The following IGBP1C variants were observed in gnomAD, a reference collection of about 807,000 sequenced individuals.
IGBP1C encodes the protein immunoglobulin-binding protein 1 family member C.
the IGBP1C span, among the ~76,000 whole-genome samples, chr17:58,689,124 G>T: frequency 6.6e-6 from 1 of 151,848 alleles, no homozygotes; most frequent in African/African-American, 2.4e-5. Context: ...TAGAGATGGG[G>T]TTTCACCGTG....
chr17:58,676,669 A>G, the IGBP1C span, among the ~76,000 whole-genome samples: 1 of 152,240 alleles, frequency 6.6e-6, no homozygotes, highest in Non-Finnish European at 1.5e-5. Flanking sequence ...TTTCAATTCT[A>G]TAGTCATTGT....
At chr17:58,677,737 G>A in the IGBP1C span, 1 of 152,218 alleles carries the variant, frequency 6.6e-6, no homozygotes, top group Non-Finnish European at 1.5e-5. Context: ...CCGGTAAAGT[G>A]GAAGGCATGG....
At chr17:58,691,838 T>G in the IGBP1C span, 3 of 152,128 alleles carry the variant, frequency 2.0e-5, no homozygotes, top group Non-Finnish European at 4.4e-5. Context: ...TGAACACCCC[T>G]TCCCAAGTCT....
At chr17:58,681,319 C>T in the IGBP1C span, among the ~76,000 whole-genome samples, 2 of 151,962 alleles carry the variant, frequency 1.3e-5, no homozygotes, top group Non-Finnish European at 2.9e-5. Flanking sequence ...CAACTGAGAA[C>T]ATAGAGGTGT....
At chr17:58,672,834 C>T in the IGBP1C span, among the ~76,000 whole-genome samples, 1 of 151,634 alleles carries the variant, frequency 6.6e-6, no homozygotes, top group Non-Finnish European at 1.5e-5. Context: ...TGGGTTCAAG[C>T]GATTCTCCTG....
chr17:58,672,213 C>T, the IGBP1C span, among the ~76,000 whole-genome samples: 1 of 152,156 alleles, frequency 6.6e-6, no homozygotes, highest in African/African-American at 2.4e-5. Flanking sequence ...GACATCACCT[C>T]CTGCTGTGCG....
chr17:58,669,179 C>G, the IGBP1C span, among the ~76,000 whole-genome samples: 1 of 151,930 alleles, frequency 6.6e-6, no homozygotes, highest in Non-Finnish European at 1.5e-5. Flanking sequence ...TGGTGAAACC[C>G]CATCTCTACT....
chr17:58,669,745 A>AG, the IGBP1C span, among the ~76,000 whole-genome samples: 2 of 151,598 alleles, frequency 1.3e-5, no homozygotes, highest in Non-Finnish European at 2.9e-5. Context: ...AAAAAAAAAA[A>AG]AAAAAAAAAA....
chr17:58,682,905 G>A, the IGBP1C span, among the ~76,000 whole-genome samples: 1 of 152,074 alleles, frequency 6.6e-6, no homozygotes, highest in Non-Finnish European at 1.5e-5. Flanking sequence ...CCTTTGAGAA[G>A]AGCCTCATTT....
At chr17:58,662,281 T>C in the IGBP1C span, among the ~76,000 whole-genome samples, 1 of 151,748 alleles carries the variant, frequency 6.6e-6, no homozygotes, top group African/African-American at 2.4e-5. Flanking sequence ...AAACCCCATC[T>C]CTACTAGAAA....
chr17:58,678,818 TATAATAATA>T, the IGBP1C span, among the ~76,000 whole-genome samples: 29 of 137,314 alleles, frequency 2.1e-4, no homozygotes, highest in African/African-American at 3.5e-4. Context: ...GAACTTAAAG[TATAATAATA>T]ATAATAATAA....
chr17:58,681,117 T>C, the IGBP1C span, among the ~76,000 whole-genome samples: 1 of 151,770 alleles, frequency 6.6e-6, no homozygotes, highest in Non-Finnish European at 1.5e-5. Flanking sequence ...CCCTCTCTAC[T>C]AAAAATAAAT....
the IGBP1C span, among the ~76,000 whole-genome samples, chr17:58,684,800 C>A: frequency 1.3e-5 from 2 of 151,760 alleles, no homozygotes; most frequent in Non-Finnish European, 2.9e-5. Flanking sequence ...TATGGCAAAA[C>A]CCTGTCTCCA....
At chr17:58,687,478 G>A in the IGBP1C span, among the ~76,000 whole-genome samples, 12 of 151,854 alleles carry the variant, frequency 7.9e-5, no homozygotes, top group Admixed American at 6.6e-4. Context: ...CAACAGAATC[G>A]GGTGCTCTAC....
chr17:58,662,260 C>G, the IGBP1C span, among the ~76,000 whole-genome samples: 3 of 151,884 alleles, frequency 2.0e-5, 1 homozygote, highest in Admixed American at 2.0e-4. Flanking sequence ...ACCATCCTGG[C>G]TAACACGGTG....
At chr17:58,662,319 G>A in the IGBP1C span, among the ~76,000 whole-genome samples, 1 of 151,378 alleles carries the variant, frequency 6.6e-6, no homozygotes, top group Non-Finnish European at 1.5e-5. Context: ...GCGTGGTGGC[G>A]GGTGCCTGTA....
the IGBP1C span, among the ~76,000 whole-genome samples, chr17:58,681,313 TGA>T: frequency 1.3e-5 from 2 of 152,048 alleles, no homozygotes; most frequent in African/African-American, 4.8e-5. Flanking sequence ...AAGCAACAAC[TGA>T]GAACATAGAG....
At chr17:58,661,949 A>G in the IGBP1C span, 2 of 196,650 alleles carry the variant, frequency 1.0e-5, no homozygotes, top group South Asian at 3.0e-4. Flanking sequence ...CTGCCCCTCG[A>G]CTGCTGCCCC....
At chr17:58,674,575 C>T in the IGBP1C span, among the ~76,000 whole-genome samples, 4 of 151,540 alleles carry the variant, frequency 2.6e-5, no homozygotes, top group Non-Finnish European at 2.9e-5. Flanking sequence ...GACGGAGAGG[C>T]ACAAGAATCG....
Sources: allele counts gnomAD v4.1 joint callset (sites outside exome capture counted in the v4.1 genomes callset), GRCh38; gene constraint gnomAD v4.1.1; transcripts MANE v1.5; gene names NCBI Gene and HGNC (gene_info 2026-07-23, HGNC 2026-07-21).